Variants in RBFOX1 observed in about 807,000 individuals in gnomAD.
RBFOX1 encodes the protein RNA binding fox-1 homolog 1.
In RBFOX1, 8 loss-of-function variants were observed where a neutral mutation model predicts 57.7. The observed-to-expected ratio is 0.14, with a 90% CI of 0.08 to 0.25. The LOEUF is 0.25. RBFOX1 is among the 10% of genes least tolerant of loss of function. RBFOX1 has a pLI of 1.00. For missense variants in RBFOX1, 611 were observed against 548.5 expected, an observed-to-expected ratio of 1.11 and a Z score of -1.14; for synonymous variants, 326 against 222.4, an observed-to-expected ratio of 1.47 and a Z score of -4.15.
chr16:5,638,904 A>T (rs970775390), intron 3 of RBFOX1, among the ~76,000 whole-genome samples: 3 of 152,160 alleles, frequency 2.0e-5, no homozygotes, highest in Non-Finnish European at 4.4e-5. Flanking sequence ...ACTCCTGTGT[A>T]TCCTGTGAAA....
intron 2 of RBFOX1, among the ~76,000 whole-genome samples, chr16:5,561,144 G>A (rs1230349880): frequency 6.6e-6 from 1 of 152,172 alleles, no homozygotes; most frequent in African/African-American, 2.4e-5. Flanking sequence ...GGAGGGGTGG[G>A]AAAATGGGTA....
chr16:6,199,567 G>T (rs2097202120), intron 1 of RBFOX1, among the ~76,000 whole-genome samples: 1 of 152,146 alleles, frequency 6.6e-6, no homozygotes, highest in Non-Finnish European at 1.5e-5. Flanking sequence ...TAGCACATTG[G>T]ACCAAAGGTC....
chr16:7,631,854 T>C (rs1002324187), intron 11 of RBFOX1, among the ~76,000 whole-genome samples: 1 of 152,180 alleles, frequency 6.6e-6, no homozygotes, highest in Admixed American at 6.5e-5. Context: ...ATCAAAAATA[T>C]AATGTGACAC....
chr16:7,399,228 A>T (rs1048269964), intron 4 of RBFOX1, among the ~76,000 whole-genome samples: 1 of 152,234 alleles, frequency 6.6e-6, no homozygotes, highest in Non-Finnish European at 1.5e-5. Flanking sequence ...CAGGTGGATT[A>T]CCTGAGGTCA....
intron 4 of RBFOX1, among the ~76,000 whole-genome samples, chr16:7,262,149 T>C (rs1274158138): frequency 1.3e-5 from 2 of 151,610 alleles, no homozygotes; most frequent in East Asian, 3.9e-4. Flanking sequence ...GAAAGGTAAA[T>C]ATAGTTATAT....
At chr16:6,333,110 C>T (rs1454108200) in intron 2 of RBFOX1, among the ~76,000 whole-genome samples, 2 of 152,038 alleles carry the variant, frequency 1.3e-5, no homozygotes, top group African/African-American at 2.4e-5. Flanking sequence ...CATGATGTCC[C>T]CTCAATGCAG....
At chr16:7,407,217 C>G (rs1018975456) in intron 4 of RBFOX1, among the ~76,000 whole-genome samples, 1 of 152,110 alleles carries the variant, frequency 6.6e-6, no homozygotes, top group Non-Finnish European at 1.5e-5. Context: ...TCCATAAACT[C>G]CCTCTTGCCA....
chr16:5,852,087 A>G (rs555929111), intron 3 of RBFOX1, among the ~76,000 whole-genome samples: 6 of 152,190 alleles, frequency 3.9e-5, no homozygotes, highest in Non-Finnish European at 8.8e-5. Flanking sequence ...AGTACTGAGA[A>G]CAGCCTGCAG....
chr16:6,893,367 G>C (rs1428291472), intron 3 of RBFOX1, among the ~76,000 whole-genome samples: 6 of 152,240 alleles, frequency 3.9e-5, no homozygotes, highest in East Asian at 1.9e-4. Context: ...AGTCACAAAA[G>C]CACAAGATAA....
intron 3 of RBFOX1, among the ~76,000 whole-genome samples, chr16:6,776,790 G>A (rs1411030484): frequency 1.3e-5 from 2 of 152,192 alleles, no homozygotes; most frequent in Non-Finnish European, 2.9e-5. Flanking sequence ...AGTTAAATCT[G>A]ATACTGTAAC....
intron 3 of RBFOX1, among the ~76,000 whole-genome samples, chr16:5,852,116 T>C (rs1273347813): frequency 6.6e-6 from 1 of 152,200 alleles, no homozygotes; most frequent in Admixed American, 6.5e-5. Context: ...GAATGATCCT[T>C]AGTAAAAGTT....
chr16:6,927,135 C>G (rs1329306283), intron 3 of RBFOX1, among the ~76,000 whole-genome samples: 1 of 152,056 alleles, frequency 6.6e-6, no homozygotes, highest in Non-Finnish European at 1.5e-5. Context: ...CCCCTAGAGA[C>G]TTAGAGGGTC....
chr16:6,437,146 G>A (rs1211528740), intron 2 of RBFOX1, among the ~76,000 whole-genome samples: 1 of 152,112 alleles, frequency 6.6e-6, no homozygotes, highest in African/African-American at 2.4e-5. Context: ...TATTTTAGGA[G>A]AAGAAGATCT....
rs538502351 is a variant in RBFOX1 at position 5,788,321 on chromosome 16, A to G, written c.319-78982A>G. ...CTTATTGGAGACATTTAGCGCAACA[A>G]AAGCGTCTTTTGAAGGAACACTTGT... On this transcript the variant is annotated intron_variant, in intron 3 of 19. Coordinates refer to the RBFOX1 transcript ENST00000641259. 3.9e-5 allele frequency among the ~76,000 whole-genome samples: 6 copies of G among 152,302 alleles called. No individual in the cohort carries two copies. In the South Asian group the frequency reaches 1.0e-3, roughly 26 times the overall value.
chr16:6,160,751 C>T (rs2096872146), intron 1 of RBFOX1, among the ~76,000 whole-genome samples: 1 of 152,166 alleles, frequency 6.6e-6, no homozygotes, highest in African/African-American at 2.4e-5. Flanking sequence ...GCAGTCGTTC[C>T]TCTAGGAGCC....
Position 6,400,738 on chromosome 16 carries a change from A to G in RBFOX1, c.-64+83681A>G, listed in dbSNP as rs113733575. 8.1e-3 allele frequency among the ~76,000 whole-genome samples: 1,238 copies of G among 152,248 alleles called. 21 individuals are homozygous for G. Among genetic ancestry groups the G allele is most frequent in the African/African-American group, 0.028 (1,165 of 41,552 alleles). ...CACGGTGAAACCCTGTCTCTACAAA[A>G]AATTCAGAAGTTAACCAGGCTTGGT... On this transcript the variant is annotated intron_variant, in intron 2 of 15. Transcript: ENST00000550418.
At chr16:7,020,682 G>C (rs899384717) in intron 3 of RBFOX1, among the ~76,000 whole-genome samples, 5 of 152,158 alleles carry the variant, frequency 3.3e-5, no homozygotes, top group African/African-American at 9.7e-5. Context: ...GACACTGTCT[G>C]TGTCATCACA....
intron 4 of RBFOX1, among the ~76,000 whole-genome samples, chr16:7,366,220 A>G (rs1445686594): frequency 1.3e-5 from 2 of 152,226 alleles, no homozygotes; most frequent in African/African-American, 4.8e-5. Flanking sequence ...GTCTGCTGCC[A>G]TTGCATGTTC....
chr16:7,196,281 C>G (rs2086672073), intron 4 of RBFOX1, among the ~76,000 whole-genome samples: 1 of 152,264 alleles, frequency 6.6e-6, no homozygotes, highest in South Asian at 2.1e-4. Flanking sequence ...TTGTTATCGA[C>G]TGTGTTATCT....
Sources: gnomAD v4.1 joint callset for allele counts (sites outside exome capture counted in the v4.1 genomes callset) on GRCh38, gnomAD v4.1.1 for gene constraint, MANE v1.5 for transcripts, NCBI Gene and HGNC (gene_info 2026-07-23, HGNC 2026-07-21) for gene names.